SEC63: variants seen among roughly 807,000 people sequenced by gnomAD.
SEC63 encodes SEC63 protein translocation regulator, also known as translocation protein SEC63 homolog.
SEC63 carries 56 observed loss-of-function variants against 116.2 expected under a neutral mutation model. The observed-to-expected ratio is 0.48, with a 90% CI of 0.39 to 0.60. The LOEUF (loss-of-function observed/expected upper bound fraction) is 0.60. Ranked by LOEUF, SEC63 falls within the 20% of genes least tolerant of loss-of-function variation. SEC63 has a pLI of 0.00. For synonymous variants in SEC63, 273 were observed against 294.6 expected, an observed-to-expected ratio of 0.93 and a Z score of 0.75; for missense variants, 668 against 900.0, an observed-to-expected ratio of 0.74 and a Z score of 3.30.
At chr6:107,925,965 A>G (rs971731720) in intron 2 of SEC63, among the ~76,000 whole-genome samples, 3 of 152,132 alleles carry the variant, frequency 2.0e-5, no homozygotes, top group Admixed American at 6.5e-5. Flanking sequence ...CTACAAGCAC[A>G]TGCCACCACA....
chr6:107,887,020 T>G (rs540507861), intron 16 of SEC63, among the ~76,000 whole-genome samples: 1 of 152,296 alleles, frequency 6.6e-6, no homozygotes, highest in South Asian at 2.1e-4. Context: ...GTTTTAAGTC[T>G]TAAGTCTTTA....
At chr6:107,921,550 C>G (rs909899888) in intron 4 of SEC63, among the ~76,000 whole-genome samples, 1 of 151,716 alleles carries the variant, frequency 6.6e-6, no homozygotes, top group African/African-American at 2.4e-5. Flanking sequence ...CTCCCAGGCT[C>G]AAACAACGCT....
intron 13 of SEC63, 46 bp downstream of exon 13, chr6:107,901,324 T>A: frequency 6.4e-7 from 1 of 1,571,690 alleles, no homozygotes; most frequent in African/African-American, 1.3e-5. Context: ...TGAGAACCAA[T>A]CTATCAAAAG....
intron 4 of SEC63, 62 bp downstream of exon 4, chr6:107,921,734 GA>G (rs1787560360): frequency 1.9e-6 from 2 of 1,035,724 alleles, no homozygotes; most frequent in African/African-American, 1.6e-5. Flanking sequence ...TTACAGGCAT[GA>G]ACCACTGCAC....
Position 107,881,265 on chromosome 6 carries a change from A to T in SEC63, c.1834-15T>A. Reference sequence around the variant, plus strand: ...TCTTGCCACTCCTAGTAAACAAAAAAATTAAAATATTTAAAATCTAGTATG... The same window carrying T: ...TCTTGCCACTCCTAGTAAACAAAAATATTAAAATATTTAAAATCTAGTATG... On this transcript the variant is annotated splice_polypyrimidine_tract_variant and intron_variant, in intron 17 of 20. Coordinates refer to ENST00000369002, the MANE Select transcript of SEC63 (RefSeq NM_007214.5). The T allele has an allele frequency of 6.5e-7, 1 of 1,540,210 alleles. No homozygotes were observed. The highest frequency in any genetic ancestry group is 9.0e-7 in the Non-Finnish European group (1 of 1,114,856).
intron 1 of SEC63, among the ~76,000 whole-genome samples, chr6:107,931,498 A>C (rs1209378655): frequency 6.6e-6 from 1 of 151,852 alleles, no homozygotes; most frequent in African/African-American, 2.4e-5. Flanking sequence ...AAAAAAAAAA[A>C]AAATGTATTG....
intron 6 of SEC63, 26 bp downstream of exon 6, chr6:107,912,687 CATA>C (rs780622706): frequency 6.9e-7 from 1 of 1,447,838 alleles, no homozygotes. Context: ...TCTAATACAT[CATA>C]ATGTATCTTA....
intron 16 of SEC63, among the ~76,000 whole-genome samples, chr6:107,892,908 T>C (rs1786717057): frequency 6.6e-6 from 1 of 152,164 alleles, no homozygotes; most frequent in South Asian, 2.1e-4. Context: ...GAAAACAGGC[T>C]CTTTTAACGA....
intron 16 of SEC63, among the ~76,000 whole-genome samples, chr6:107,886,847 T>TG: frequency 8.9e-6 from 1 of 111,802 alleles, no homozygotes; most frequent in Non-Finnish European, 1.9e-5. Context: ...TTTTTTGGGT[T>TG]TTTTTTTTTT....
intron 20 of SEC63, among the ~76,000 whole-genome samples, chr6:107,872,459 T>C (rs115856798): frequency 0.015 from 2,325 of 151,888 alleles, 49 homozygotes; most frequent in African/African-American, 0.052. Context: ...CAAAAATAAA[T>C]TAGTTTCAGA....
chr6:107,897,661 C>T lies in SEC63; in HGVS notation c.1428G>A (p.Arg476=), dbSNP rs1481205122. 1 of 1,599,354 alleles carries T rather than the reference C, an allele frequency of 6.3e-7. No homozygotes were observed. Among genetic ancestry groups the T allele is most frequent in the Non-Finnish European group, 8.6e-7 (1 of 1,166,840 alleles). Residue 476 remains arginine, a synonymous_variant, in exon 14 of 21, where the codon AGG becomes AGA. Coordinates refer to ENST00000369002, the MANE Select transcript of SEC63 (RefSeq NM_007214.5). The part of the protein sequence containing the change: ...SLVTVLVKLT[R]QTMAEVFEKE... ...ATAGACTACTTACAGCCATTGTTTG[C>T]CTTGTCAACTTAACCAACACTGTAA... is the stretch of plus-strand genomic sequence containing the variant.
At chr6:107,926,404 TAAAC>T (rs1391282651) in intron 2 of SEC63, among the ~76,000 whole-genome samples, 34 of 152,230 alleles carry the variant, frequency 2.2e-4, no homozygotes, top group Admixed American at 2.1e-3. Flanking sequence ...GAGGCCAAAT[TAAAC>T]AAAATTGGAA....
At chr6:107,896,202 GC>G (rs1453642727) in intron 14 of SEC63, among the ~76,000 whole-genome samples, 1 of 152,110 alleles carries the variant, frequency 6.6e-6, no homozygotes, top group Non-Finnish European at 1.5e-5. Context: ...AGTTGCTCAT[GC>G]CTGCAACCCC....
rs148725592 is a variant in SEC63 at position 107,956,084 on chromosome 6, C to G, written c.124+1802G>C. On this transcript the variant is annotated intron_variant, in intron 1 of 20. Coordinates refer to ENST00000369002, the MANE Select transcript of SEC63 (RefSeq NM_007214.5). ...GACTTGAAGCAAGTTCAAGACCAGCCTGGGTAAATGAGACTCTCCCCGCTT... is the reference window on the plus strand; with the variant it reads ...GACTTGAAGCAAGTTCAAGACCAGCGTGGGTAAATGAGACTCTCCCCGCTT... 3 of 319,814 alleles carry G rather than the reference C, an allele frequency of 9.4e-6. No individual in the cohort carries two copies. The Middle Eastern group carries it at 1.2e-3, about 128-fold the overall frequency. 19.8% of individuals were successfully genotyped at this position (319,814 alleles called of 1,614,324 possible).
Position 107,932,784 on chromosome 6 carries a change from T to C in SEC63, c.125-3270A>G, listed in dbSNP as rs9398154. On this transcript the variant is annotated intron_variant, in intron 1 of 20. Transcript: ENST00000369002. ...AGGAGCAGAAAAATCCTAGTAGCAA[T>C]GAGCACATCTAGCATGCAGATCTTG... 0.015 allele frequency among the ~76,000 whole-genome samples: 2,290 copies of C among 152,240 alleles called. 105 individuals carry two copies. The East Asian group carries it at 0.16, about 11-fold the overall frequency.
In SEC63 at chr6:107,869,741, A is replaced by C. The variant is rs1468413439; in HGVS notation, c.*1963T>G. 6.6e-6 allele frequency: 1 copy of C among 150,458 alleles called. No homozygotes were observed. Among genetic ancestry groups the C allele is most frequent in the Non-Finnish European group, 1.5e-5 (1 of 67,818 alleles). The allele number at this position is 150,458 out of a possible 1,614,324, so 9.3% of individuals were successfully genotyped here. A position where few individuals can be genotyped will look rare whatever the true frequency, so the allele number is the denominator to read the frequency against. On this transcript the variant is annotated 3_prime_UTR_variant, in exon 21 of 21. Transcript: ENST00000369002. ...ACACATCACACAAAGAGAAAAGGAA[A>C]ACAAACTGGTGGAATTTTCTGGTGA...
At chr6:107,871,989 C>A in intron 20 of SEC63, 142 bp from the exon 21 acceptor site, 1 of 777,548 alleles carries the variant, frequency 1.3e-6, no homozygotes, top group African/African-American at 1.7e-5. Flanking sequence ...TCAACTCATT[C>A]ATTTAGAACA....
At position 107,929,512 on chromosome 6, in the gene SEC63, G is replaced by C. The variant is rs376946285; in HGVS notation, c.127C>G (p.Gln43Glu). 17 of 1,565,706 alleles carry C rather than the reference G, an allele frequency of 1.1e-5. No individual in the cohort carries two copies. Among genetic ancestry groups the C allele is most frequent in the Non-Finnish European group, 1.4e-5 (16 of 1,136,906 alleles). The change falls in exon 2 of 21, where the codon CAA (glutamine) becomes GAA (glutamate). Residue 43 changes from glutamine (Q) to glutamate (E), a missense_variant and splice_region_variant. Around this residue, in one of 5 missense-constraint regions of SEC63, gnomAD observed 142 missense variants for 169.5 expected, o/e 0.84. Coordinates refer to ENST00000369002, the MANE Select transcript of SEC63 (RefSeq NM_007214.5). Reference sequence around the variant, plus strand: ...TTTCTGATATTCTTTAATCGAATTTGCTCTGTCAAGAAAGAAAAATAAGAT... The same window carrying C: ...TTTCTGATATTCTTTAATCGAATTTCCTCTGTCAAGAAAGAAAAATAAGAT... ...YLWPRDQNAE[Q>E]IRLKNIRKVY...
chr6:107,911,811 C>T (rs1178897617), intron 6 of SEC63, among the ~76,000 whole-genome samples: 3 of 152,194 alleles, frequency 2.0e-5, no homozygotes, highest in Admixed American at 2.0e-4. Context: ...ATATCCACAA[C>T]CTCTCAGTAG....
Sources: gnomAD v4.1 joint callset for allele counts (sites outside exome capture counted in the v4.1 genomes callset) on GRCh38, gnomAD v4.1.1 for gene constraint, gnomAD v4.1.1 regional missense constraint, MANE v1.5 for transcripts, NCBI Gene and HGNC (gene_info 2026-07-23, HGNC 2026-07-21) for gene names.